The following VTCN1 variants were observed in gnomAD, a reference collection of about 807,000 sequenced individuals.
VTCN1 encodes V-set domain-containing T-cell activation inhibitor 1.
Under a neutral mutation model 26.5 loss-of-function variants are expected in VTCN1, and 26 were observed. The ratio of observed to expected loss-of-function variants is 0.98; its 90% CI spans 0.72 to 1.36. VTCN1 has a LOEUF of 1.36. VTCN1 is among the 40% of genes most tolerant of loss of function. The pLI is 0.00. For synonymous variants in VTCN1, 116 were observed against 130.7 expected, an observed-to-expected ratio of 0.89 and a Z score of 0.77; for missense variants, 298 against 337.7, an observed-to-expected ratio of 0.88 and a Z score of 0.92.
rs893710397 is a variant in VTCN1 at position 117,161,365 on chromosome 1, C to T, written c.98-4444G>A. Reference sequence around the variant, plus strand: ...GCAAATTCTACTTATATTCAAAGTCCGTTCAGATGGCAGCCCTCCCATGAA... The same window carrying T: ...GCAAATTCTACTTATATTCAAAGTCTGTTCAGATGGCAGCCCTCCCATGAA... On this transcript the variant is annotated intron_variant, in intron 2 of 5. Transcript: ENST00000369458. The surrounding 1 kb of genome is among the most constrained non-coding windows in gnomAD (Gnocchi z 4.3). 3.9e-5 allele frequency among the ~76,000 whole-genome samples: 6 copies of T among 152,164 alleles called. No homozygotes were observed. Among genetic ancestry groups the T allele is most frequent in the Admixed American group, 1.3e-4 (2 of 15,276 alleles).
intron 2 of VTCN1, among the ~76,000 whole-genome samples, chr1:117,160,469 T>C (rs1438423884): frequency 6.6e-6 from 1 of 152,220 alleles, no homozygotes; most frequent in African/African-American, 2.4e-5. Flanking sequence ...AATTTGAACA[T>C]ATCTGTTTTC....
At chr1:117,151,454 G>A (rs1332550082) in intron 4 of VTCN1, among the ~76,000 whole-genome samples, 3 of 152,172 alleles carry the variant, frequency 2.0e-5, no homozygotes, top group African/African-American at 7.2e-5. Flanking sequence ...GCACATCACA[G>A]ACAGCAGCCC....
At chr1:117,153,479 T>A in intron 3 of VTCN1, 110 bp from the exon 4 acceptor site, 7 of 1,211,140 alleles carry the variant, frequency 5.8e-6, no homozygotes, top group Non-Finnish European at 7.9e-6. Context: ...TTTTTTTTTT[T>A]TATCATTGAA....
Position 117,156,773 on chromosome 1 carries a change from CT to C in VTCN1, c.245del (p.Glu82GlyfsTer27). On this transcript the variant is annotated frameshift_variant, in exon 3 of 6. Coordinates refer to ENST00000369458, the MANE Select transcript of VTCN1 (RefSeq NM_024626.4). LOFTEE classifies it high-confidence loss of function. ...LKEGVLGLVH[E>X]FKEGKDELSE... ...ACAGCTCATCTTTGCCTTCTTTGAA[CT>C]CATGGACCAAGCCTAAAACACCTTC... The C allele has an allele frequency of 6.2e-7, 1 of 1,614,140 alleles. No individual in the cohort carries two copies. Among genetic ancestry groups the C allele is most frequent in the Non-Finnish European group, 8.5e-7 (1 of 1,180,024 alleles).
intron 4 of VTCN1, 29 bp downstream of exon 4, chr1:117,153,062 A>C: frequency 6.3e-7 from 1 of 1,586,510 alleles, no homozygotes; most frequent in South Asian, 1.1e-5. Flanking sequence ...TTCCCCAGTA[A>C]ATCCATACAA....
intron 1 of VTCN1, among the ~76,000 whole-genome samples, chr1:117,202,073 C>G (rs577905119): frequency 2.6e-5 from 4 of 152,318 alleles, no homozygotes; most frequent in African/African-American, 9.6e-5. Context: ...CACACAGTAC[C>G]TGCTATTACA....
intron 1 of VTCN1, among the ~76,000 whole-genome samples, chr1:117,189,167 C>T (rs183871940): frequency 2.4e-3 from 366 of 152,272 alleles, no homozygotes; most frequent in Middle Eastern, 0.014. Context: ...TATCAGTTCC[C>T]CCAAACTTTC....
intron 1 of VTCN1, among the ~76,000 whole-genome samples, chr1:117,192,419 G>T (rs1349790222): frequency 6.6e-6 from 1 of 152,104 alleles, no homozygotes; most frequent in African/African-American, 2.4e-5. Flanking sequence ...TGAAATTAAA[G>T]GATGCTAAGT....
intron 1 of VTCN1, among the ~76,000 whole-genome samples, chr1:117,199,633 A>AT (rs757979940): frequency 0.019 from 2,539 of 134,788 alleles, 71 homozygotes; most frequent in African/African-American, 0.051. Flanking sequence ...GCCACAAGGA[A>AT]TTTTTTTTTT....
At chr1:117,173,484 T>A (rs55639845) in intron 1 of VTCN1, among the ~76,000 whole-genome samples, 32,680 of 152,070 alleles carry the variant, frequency 0.21, 4,560 homozygotes, top group Non-Finnish European at 0.31. Context: ...ATGCAATGGA[T>A]TCTCTTTCAC....
rs1651594112 is a variant in VTCN1 at position 117,147,801 on chromosome 1, A to T, written c.725-19T>A. The stretch of plus-strand genomic sequence containing the variant: ...TCCGATTCTGTGAAGTGAGAGAAAA[A>T]GTTTAGGGTCATACAGGAGAAGCTG... On this transcript the variant is annotated intron_variant, in intron 4 of 5. Transcript: ENST00000369458. This position sits in a 1 kb window ranked among gnomAD's most constrained non-coding sequence, Gnocchi z 4.6. 5.0e-6 allele frequency: 8 copies of T among 1,611,724 alleles called. No individual in the cohort carries two copies. The highest frequency in any genetic ancestry group is 6.8e-6 in the Non-Finnish European group (8 of 1,179,312).
chr1:117,171,601 G>A (rs967325257), intron 1 of VTCN1, among the ~76,000 whole-genome samples: 1 of 152,120 alleles, frequency 6.6e-6, no homozygotes, highest in Non-Finnish European at 1.5e-5. Flanking sequence ...TGACACCCGG[G>A]AAACTAAATA....
intron 1 of VTCN1, among the ~76,000 whole-genome samples, chr1:117,178,194 C>G (rs1386825583): frequency 6.6e-6 from 1 of 151,706 alleles, no homozygotes; most frequent in Non-Finnish European, 1.5e-5. Flanking sequence ...CCATTTTGGT[C>G]TCCAAAAGTG....
At chr1:117,172,453 A>G (rs755836270) in intron 1 of VTCN1, 1 of 518,854 alleles carries the variant, frequency 1.9e-6, no homozygotes, top group South Asian at 1.4e-5. Context: ...GAGTGAGAAC[A>G]GCTAGATAAA....
chr1:117,158,326 C>G (rs1374990805), intron 2 of VTCN1, among the ~76,000 whole-genome samples: 1 of 152,230 alleles, frequency 6.6e-6, no homozygotes, highest in Non-Finnish European at 1.5e-5. Context: ...CAGGCATTTC[C>G]AGACATCTTC....
intron 1 of VTCN1, chr1:117,172,388 C>G (rs1652967312): frequency 1.9e-6 from 1 of 518,646 alleles, no homozygotes; most frequent in Non-Finnish European, 3.9e-6. Flanking sequence ...CATATTTGGC[C>G]ACTGCTCCTC....
chr1:117,177,921 C>CTT (rs79283862), intron 1 of VTCN1, among the ~76,000 whole-genome samples: 54 of 119,050 alleles, frequency 4.5e-4, no homozygotes, highest in Admixed American at 8.6e-4. Context: ...GTTTTCTTTT[C>CTT]TTTTTTTTTT....
intron 2 of VTCN1, among the ~76,000 whole-genome samples, chr1:117,160,106 C>A (rs763529466): frequency 6.6e-6 from 1 of 152,130 alleles, no homozygotes; most frequent in Non-Finnish European, 1.5e-5. Context: ...AAACTAAGGG[C>A]AGATGGCCTT....
intron 4 of VTCN1, among the ~76,000 whole-genome samples, chr1:117,148,693 C>T (rs1199398721): frequency 1.3e-5 from 2 of 152,212 alleles, no homozygotes; most frequent in African/African-American, 4.8e-5. Flanking sequence ...CAATAAATAA[C>T]AGCCTCTTCC....
Sources: gnomAD v4.1 joint callset for allele counts (sites outside exome capture counted in the v4.1 genomes callset) on GRCh38, gnomAD v4.1.1 for gene constraint, Gnocchi (gnomAD v3.1) non-coding constraint, MANE v1.5 for transcripts, NCBI Gene and HGNC (gene_info 2026-07-23, HGNC 2026-07-21) for gene names.